The following TRMT1L variants were observed in gnomAD, a reference collection of about 807,000 sequenced individuals.
TRMT1L encodes tRNA (guanine(27)-N(2))-dimethyltransferase.
A neutral mutation model predicts 81.6 loss-of-function variants in TRMT1L; 28 were observed. That is an observed-to-expected ratio of 0.34 (90% CI 0.25 to 0.47). The LOEUF (loss-of-function observed/expected upper bound fraction) is 0.47, where lower values mean the gene tolerates loss of function less well. TRMT1L is among the 20% of genes least tolerant of loss of function. TRMT1L has a pLI of 1.00. For synonymous variants in TRMT1L, 301 were observed against 303.2 expected (o/e 0.99, Z 0.07); for missense variants, 739 against 877.1 (o/e 0.84, Z 1.99).
chr1:185,134,585 C>G (rs1652852257), intron 10 of TRMT1L, among the ~76,000 whole-genome samples: 1 of 152,118 alleles, frequency 6.6e-6, no homozygotes, highest in Admixed American at 6.5e-5. Context: ...CTGTATGATT[C>G]CAAATAAAAT....
At chr1:185,132,300 T>C (rs1250315915) in intron 10 of TRMT1L, among the ~76,000 whole-genome samples, 2 of 151,906 alleles carry the variant, frequency 1.3e-5, no homozygotes, top group Non-Finnish European at 2.9e-5. Flanking sequence ...GGCGGATCAC[T>C]TGAGGTCAGG....
Position 185,119,875 on chromosome 1 carries a change from G to C in TRMT1L, c.*144C>G. The C allele has an allele frequency of 1.9e-6, 2 of 1,060,136 alleles. No homozygotes were observed. The highest frequency in any genetic ancestry group is 2.6e-6 in the Non-Finnish European group (2 of 768,504). 65.7% of individuals were successfully genotyped at this position (1,060,136 alleles called of 1,614,324 possible). On this transcript the variant is annotated 3_prime_UTR_variant, in exon 15 of 15. Coordinates refer to ENST00000367506, the MANE Select transcript of TRMT1L (RefSeq NM_030934.5). The stretch of plus-strand genomic sequence containing the variant: ...CAAAGCTCCCAAACCAGCTAAGTTA[G>C]AAACTGCTCAGTTTCTGAATGAAAA...
chr1:185,120,319 A>G, intron 14 of TRMT1L, 48 bp from the exon 15 acceptor site: 2 of 1,486,816 alleles, frequency 1.3e-6, no homozygotes, highest in South Asian at 1.5e-5. Context: ...TTGTATTTTT[A>G]TTTAAATCAC....
chr1:185,134,136 G>A (rs1389151567), intron 10 of TRMT1L, among the ~76,000 whole-genome samples: 1 of 152,036 alleles, frequency 6.6e-6, no homozygotes, highest in Non-Finnish European at 1.5e-5. Context: ...AGGGAGTCAG[G>A]CAGAGGTTAT....
intron 6 of TRMT1L, 82 bp downstream of exon 6, chr1:185,143,824 T>A: frequency 8.5e-7 from 1 of 1,180,012 alleles, no homozygotes; most frequent in Non-Finnish European, 1.1e-6. Context: ...TAAATTTTAA[T>A]ATATTAGAAC....
Position 185,119,907 on chromosome 1 carries a change from T to C in TRMT1L, c.*112A>G. ...CTCAGTTTCTGAATGAAAATGACACTGTTTTTTATTTTTACTCTACTGAAT... is the reference window on the plus strand; with the variant it reads ...CTCAGTTTCTGAATGAAAATGACACCGTTTTTTATTTTTACTCTACTGAAT... On this transcript the variant is annotated 3_prime_UTR_variant, in exon 15 of 15. Coordinates refer to ENST00000367506, the MANE Select transcript of TRMT1L (RefSeq NM_030934.5). 1 of 1,247,270 alleles carries C rather than the reference T, an allele frequency of 8.0e-7. No homozygotes were observed. The allele number at this position is 1,247,270 out of a possible 1,614,324, so 77.3% of individuals were successfully genotyped here.
Position 185,128,764 on chromosome 1 carries a change from A to G in TRMT1L, c.1514-17T>C. On this transcript the variant is annotated splice_polypyrimidine_tract_variant and intron_variant, in intron 10 of 14. Coordinates refer to ENST00000367506, the MANE Select transcript of TRMT1L (RefSeq NM_030934.5). ...ATGGGTTTTCTGTAAAAAGATAATA[A>G]AAGGAGAAATCAAAGGAGAAATGAC... The G allele has an allele frequency of 6.3e-7, 1 of 1,588,904 alleles. No individual in the cohort carries two copies. Among genetic ancestry groups the G allele is most frequent in the East Asian group, 2.2e-5 (1 of 44,616 alleles).
intron 13 of TRMT1L, 96 bp from the exon 14 acceptor site, chr1:185,120,605 ATTATTTCAACCTGACTATCCAATC>A: frequency 8.9e-7 from 1 of 1,121,458 alleles, no homozygotes; most frequent in Non-Finnish European, 1.2e-6. Context: ...ATCCTGACAC[ATTATTTCAACCTGACTATCCAATC>A]TTAATTCTTA....
chr1:185,123,998 A>G (rs1273273104), intron 12 of TRMT1L, 79 bp from the exon 13 acceptor site: 2 of 785,502 alleles, frequency 2.5e-6, no homozygotes, highest in African/African-American at 1.8e-5. Flanking sequence ...ATAAAAGTTT[A>G]TGAAATTCCA....
At chr1:185,139,175 T>G (rs574531952) in intron 9 of TRMT1L, among the ~76,000 whole-genome samples, 192 bp downstream of exon 9, 7 of 152,370 alleles carry the variant, frequency 4.6e-5, no homozygotes, top group African/African-American at 9.6e-5. Context: ...GAGAGTAAAC[T>G]GAATATTTCA....
chr1:185,121,818 T>C (rs529642840), intron 13 of TRMT1L, among the ~76,000 whole-genome samples: 28 of 152,198 alleles, frequency 1.8e-4, no homozygotes, highest in African/African-American at 6.5e-4. Flanking sequence ...TTAAAGGGTA[T>C]ATGTGTAGGT....
chr1:185,152,947 C>T (rs1038426563), intron 1 of TRMT1L, among the ~76,000 whole-genome samples: 5 of 151,864 alleles, frequency 3.3e-5, no homozygotes, highest in Non-Finnish European at 5.9e-5. Context: ...AGATACAAAT[C>T]GTAAGTAACA....
intron 4 of TRMT1L, among the ~76,000 whole-genome samples, chr1:185,146,441 C>T (rs1256584470): frequency 6.6e-6 from 1 of 151,952 alleles, no homozygotes; most frequent in African/African-American, 2.4e-5. Context: ...ACCCTTACAG[C>T]AAATAGAAAA....
Position 185,125,109 on chromosome 1 carries a change from A to C in TRMT1L, c.1594T>G (p.Ser532Ala), listed in dbSNP as rs1390561547. 2 of 1,601,202 alleles carry C rather than the reference A, an allele frequency of 1.2e-6. No individual in the cohort carries two copies. The highest frequency in any genetic ancestry group is 1.3e-5 in the African/African-American group (1 of 74,558). The change falls in exon 12 of 15, where the codon TCA becomes GCA. Residue 532 changes from serine to alanine, a missense_variant and splice_region_variant. Transcript: ENST00000367506. ...AATCCAGTATTGAAAAGGGAACTTG[A>C]CCTGAAAAGAAAAGAATATACAGAG... is the stretch of plus-strand genomic sequence containing the variant. ...KTAIELGPLW[S>A]SSLFNTGFLK...
At chr1:185,133,942 A>G (rs1266884021) in intron 10 of TRMT1L, among the ~76,000 whole-genome samples, 2 of 152,192 alleles carry the variant, frequency 1.3e-5, no homozygotes, top group Non-Finnish European at 2.9e-5. Flanking sequence ...TCTATTTATA[A>G]AAATACTAAC....
Position 185,144,035 on chromosome 1 carries a change from A to G in TRMT1L, c.656-6T>C. On this transcript the variant is annotated splice_region_variant and splice_polypyrimidine_tract_variant and intron_variant, in intron 5 of 14. Transcript: ENST00000367506. ...AGGTGGTTTAGCAGTGGAAGCTAAG[A>G]TGGAAAAAAGAAAAGATTTCCAGGG... 6.4e-7 allele frequency: 1 copy of G among 1,568,712 alleles called. No homozygotes were observed. The highest frequency in any genetic ancestry group is 8.6e-7 in the Non-Finnish European group (1 of 1,160,932).
chr1:185,151,159 G>T (rs1208067438), intron 2 of TRMT1L, among the ~76,000 whole-genome samples: 1 of 152,096 alleles, frequency 6.6e-6, no homozygotes, highest in Non-Finnish European at 1.5e-5. Flanking sequence ...TAGTATAGAT[G>T]AAAGAATTAA....
At chr1:185,146,439 A>G (rs922468539) in intron 4 of TRMT1L, among the ~76,000 whole-genome samples, 29 of 152,034 alleles carry the variant, frequency 1.9e-4, no homozygotes, top group African/African-American at 6.8e-4. Flanking sequence ...GGACCCTTAC[A>G]GCAAATAGAA....
rs1018873085 is a variant in TRMT1L, at chr1:185,156,629, G to A, written c.84C>T (p.Ala28=). ...GAGCTGGGACCCCAGCCGAGTCCCG[G>A]GCCGGGGTCGGGACCTGGACCTGGG... is the stretch of plus-strand genomic sequence containing the variant. ...EVAQVQVPTP[A]RDSAGVPAPA... The change falls in exon 1 of 15, where the codon GCC becomes GCT. Residue 28 remains alanine (A), a synonymous_variant. Transcript: ENST00000367506. The A allele has an allele frequency of 1.6e-5, 26 of 1,604,914 alleles. No individual in the cohort carries two copies. The highest frequency in any genetic ancestry group is 5.1e-6 in the Non-Finnish European group (6 of 1,175,928).
Sources: allele counts gnomAD v4.1 joint callset (sites outside exome capture counted in the v4.1 genomes callset), GRCh38; gene constraint gnomAD v4.1.1; transcripts MANE v1.5; gene names NCBI Gene and HGNC (gene_info 2026-07-23, HGNC 2026-07-21).